Variants in IL13RA1 observed in about 807,000 individuals in gnomAD.
The protein encoded by IL13RA1 is interleukin 13 receptor subunit alpha 1, also known as interleukin-13 receptor subunit alpha-1.
In IL13RA1, 14 loss-of-function variants were observed where a neutral mutation model predicts 33.8. The ratio of observed to expected loss-of-function variants is 0.41; its 90% confidence interval spans 0.27 to 0.65. The LOEUF (loss-of-function observed/expected upper bound fraction) is 0.65. IL13RA1 is among the 30% of genes least tolerant of loss of function. IL13RA1 has a pLI of 0.28. For missense variants in IL13RA1, 313 were observed against 327.0 expected, an observed-to-expected ratio of 0.96 and a Z score of 0.33; for synonymous variants, 116 against 115.7, an observed-to-expected ratio of 1.00 and a Z score of -0.02.
intron 2 of IL13RA1, among the ~76,000 whole-genome samples, chrX:118,742,596 A>T (rs1037622745): frequency 4.5e-5 from 5 of 112,115 alleles, no homozygotes; most frequent in African/African-American, 1.6e-4. Context: ...TATGTGCAGA[A>T]ATCTAGAGTT....
At chrX:118,757,192 C>T (rs995311096) in intron 4 of IL13RA1, among the ~76,000 whole-genome samples, 1 of 111,375 alleles carries the variant, frequency 9.0e-6, no homozygotes, top group African/African-American at 3.3e-5. Flanking sequence ...AGAAATAGGC[C>T]TCCTGTAGTC....
At chrX:118,727,817 G>A (rs1241648323) in intron 1 of IL13RA1, 91 bp downstream of exon 1, 40 of 380,196 alleles carry the variant, frequency 1.1e-4, no homozygotes, top group Non-Finnish European at 1.4e-4. Context: ...AACGCCGGGC[G>A]GAGGGCCGAA....
Position 118,758,187 on chromosome X carries a change from G to A in IL13RA1, c.621G>A (p.Lys207=). 2 of 1,131,448 alleles carry A rather than the reference G, an allele frequency of 1.8e-6. No homozygotes were observed. The highest frequency in any genetic ancestry group is 2.0e-5 in the South Asian group (1 of 50,710). 93.2% of individuals were successfully genotyped at this position (1,131,448 alleles called of 1,213,427 possible). A position where few individuals can be genotyped will look rare whatever the true frequency, so the allele number is the denominator to read the frequency against. The part of the protein sequence containing the change: ...FEQHSVQIMV[K]DNAGKIKPSF... The stretch of plus-strand genomic sequence containing the variant: ...AACACAGTGTCCAAATAATGGTCAA[G>A]GATAATGCAGGAAAAATTAAACCAT... The change falls in exon 5 of 11, where the codon AAG becomes AAA. Residue 207 remains lysine, a synonymous_variant. Transcript: ENST00000371666.
chrX:118,769,400 C>T (rs148464218), intron 8 of IL13RA1, among the ~76,000 whole-genome samples: 109 of 112,530 alleles, frequency 9.7e-4, no homozygotes, highest in African/African-American at 2.8e-3. Context: ...TAAATCCTTC[C>T]GGATGACTTA....
chrX:118,805,186 C>G, the IL13RA1 span, among the ~76,000 whole-genome samples: 1 of 112,192 alleles, frequency 8.9e-6, no homozygotes, highest in Non-Finnish European at 1.9e-5. Context: ...TCTCTTGTCT[C>G]CTTGGCTGCT....
At chrX:118,744,052 A>C (rs1190903057) in intron 2 of IL13RA1, among the ~76,000 whole-genome samples, 1 of 111,191 alleles carries the variant, frequency 9.0e-6, no homozygotes, top group East Asian at 2.8e-4. Flanking sequence ...AGGCTGAGGC[A>C]GGAGAATCGC....
chrX:118,765,748 G>C (rs973097754), intron 6 of IL13RA1, among the ~76,000 whole-genome samples: 2 of 112,382 alleles, frequency 1.8e-5, no homozygotes, highest in African/African-American at 6.5e-5. Flanking sequence ...GGTTGTGCCA[G>C]TTTACACTAC....
intron 8 of IL13RA1, among the ~76,000 whole-genome samples, chrX:118,768,460 T>G (rs2017673859): frequency 8.9e-6 from 1 of 111,810 alleles, no homozygotes; most frequent in Non-Finnish European, 1.9e-5. Flanking sequence ...ATATAGTTGT[T>G]GGAAAGCCTC....
intron 1 of IL13RA1, among the ~76,000 whole-genome samples, chrX:118,739,078 G>A (rs781407902): frequency 5.2e-4 from 58 of 112,087 alleles, no homozygotes; most frequent in South Asian, 1.5e-3. Context: ...GTGAACCACT[G>A]TGCCTGGCCT....
the IL13RA1 span, among the ~76,000 whole-genome samples, chrX:118,803,900 TCC>T: frequency 1.1e-5 from 1 of 95,157 alleles, no homozygotes; most frequent in Non-Finnish European, 2.1e-5. Context: ...CTTCCTTCCT[TCC>T]TTCCTTCCTT....
intron 10 of IL13RA1, among the ~76,000 whole-genome samples, chrX:118,784,668 C>T (rs181247092): frequency 1.7e-4 from 19 of 111,561 alleles, no homozygotes; most frequent in Middle Eastern, 4.6e-3. Context: ...TTGTTTGAAG[C>T]TGGAAAGTTT....
rs777070889 is a variant in IL13RA1 at position 118,761,180 on chromosome X, A to G, written c.719A>G (p.Asn240Ser). 5 of 1,019,461 alleles carry G rather than the reference A, an allele frequency of 4.9e-6. No individual in the cohort carries two copies. In the Admixed American group the frequency reaches 1.2e-4, roughly 25 times the overall value. The allele number at this position is 1,019,461 out of a possible 1,213,427, so 84.0% of individuals were successfully genotyped here. ...PPHIKNLSFH[N>S]DDLYVQWENP... ...CATATTAAAAACCTCTCCTTCCACA[A>G]TGATGACCTATATGTGCAATGGGAG... The change falls in exon 6 of 11, where the codon AAT (asparagine) becomes AGT (serine). Residue 240 changes from asparagine to serine, a missense_variant. Physicochemically the swap from Asn to Ser is conservative, Grantham distance 46 (BLOSUM62 1). Transcript: ENST00000371666.
intron 2 of IL13RA1, among the ~76,000 whole-genome samples, chrX:118,746,206 C>T (rs1012522663): frequency 5.4e-5 from 6 of 110,747 alleles, no homozygotes; most frequent in African/African-American, 9.9e-5. Flanking sequence ...TGCAGCCTCC[C>T]GCTCCCAGGC....
intron 1 of IL13RA1, among the ~76,000 whole-genome samples, chrX:118,729,603 A>T (rs900902831): frequency 2.7e-5 from 3 of 112,456 alleles, no homozygotes; most frequent in African/African-American, 9.7e-5. Context: ...AGCTTAGTTT[A>T]ACCTGTCCCA....
chrX:118,804,864 A>G, the IL13RA1 span, among the ~76,000 whole-genome samples: 1 of 112,379 alleles, frequency 8.9e-6, no homozygotes, highest in South Asian at 3.6e-4. Context: ...GAATAAACAT[A>G]GAAATTGATC....
In IL13RA1 at chrX:118,727,725, G is replaced by T. The variant is rs1257054958; in HGVS notation, c.87G>T (p.Thr29=). Residue 29 remains threonine, a splice_region_variant and synonymous_variant, in exon 1 of 11, where the codon ACG becomes ACT. Coordinates refer to ENST00000371666, the MANE Select transcript of IL13RA1 (RefSeq NM_001560.3). ...GCGGGGGCGGGGGCGCCGCGCCTAC[G>T]GGTGAGTGCGACCCTCGGGGCCCGA... ...GGGGGGGAAP[T]ETQPPVTNLS... is the part of the protein sequence containing the mutation. 4 of 850,410 alleles carry T rather than the reference G, an allele frequency of 4.7e-6. No homozygotes were observed. Among genetic ancestry groups the T allele is most frequent in the Admixed American group, 1.3e-4 (2 of 16,000 alleles). The allele number at this position is 850,410 out of a possible 1,213,427, so 70.1% of individuals were successfully genotyped here.
At position 118,740,810 on chromosome X, in the gene IL13RA1, G is replaced by A. The variant is rs759385832; in HGVS notation, c.89-207G>A. Among the ~76,000 whole-genome samples, 3 of 111,740 alleles carry A rather than the reference G, an allele frequency of 2.7e-5. No individual in the cohort carries two copies. In the East Asian group the frequency reaches 8.4e-4, roughly 31 times the overall value. On this transcript the variant is annotated intron_variant, in intron 1 of 10. Transcript: ENST00000371666. ...AAAACAACAACAACAAAAACATGAG[G>A]CTAATACTAGTCCCTATCTCCAAGA... is the stretch of plus-strand genomic sequence containing the variant.
chrX:118,728,315 C>T (rs961812966), intron 1 of IL13RA1, among the ~76,000 whole-genome samples: 2 of 112,588 alleles, frequency 1.8e-5, no homozygotes, highest in Admixed American at 9.3e-5. Flanking sequence ...CTCATGACCT[C>T]CTCTGGCGTC....
At chrX:118,774,511 A>G (rs755938188) in intron 9 of IL13RA1, among the ~76,000 whole-genome samples, 3 of 112,369 alleles carry the variant, frequency 2.7e-5, no homozygotes, top group Non-Finnish European at 5.6e-5. Context: ...CTGCTCAAGC[A>G]CTGCTGCCTT....
Sources: allele counts gnomAD v4.1 joint callset (sites outside exome capture counted in the v4.1 genomes callset), GRCh38; gene constraint gnomAD v4.1.1; transcripts MANE v1.5; gene names NCBI Gene and HGNC (gene_info 2026-07-23, HGNC 2026-07-21).